The following VAMP8 variants were observed in gnomAD, a reference collection of about 807,000 sequenced individuals.
VAMP8 encodes vesicle associated membrane protein 8.
VAMP8 carries 9 observed loss-of-function variants against 11.4 expected under a neutral mutation model. The ratio of observed to expected loss-of-function variants is 0.79; its 90% CI spans 0.48 to 1.38. The LOEUF (loss-of-function observed/expected upper bound fraction) is 1.38. VAMP8 is among the 40% of genes most tolerant of loss of function. VAMP8 has a pLI of 0.00. For synonymous variants in VAMP8, 42 were observed against 44.7 expected (o/e 0.94, Z 0.24); for missense variants, 108 against 127.8 (o/e 0.85, Z 0.75).
intron 1 of VAMP8, 51 bp downstream of exon 1, chr2:85,577,700 G>C (rs1016925052): frequency 1.2e-5 from 19 of 1,551,552 alleles, no homozygotes; most frequent in Non-Finnish European, 1.6e-5. Flanking sequence ...GAGCCAGAGG[G>C]GGCTTGGGAC....
chr2:85,577,792 G>T, intron 1 of VAMP8, 143 bp downstream of exon 1: 2 of 1,224,030 alleles, frequency 1.6e-6, no homozygotes, highest in South Asian at 2.6e-5. Flanking sequence ...TCTCTTCTTT[G>T]ACAACTTGGC....
rs1231071417 is a variant in VAMP8, at chr2:85,581,942, T to TA, written c.*227dup. ...ACTGTGGCTGCATTTCTTGGGTCCT[T>TA]AGAGTGGGCTGGAGAGACCTAGAGG... On this transcript the variant is annotated 3_prime_UTR_variant, in exon 3 of 3. Transcript: ENST00000263864. The TA allele has an allele frequency of 1.7e-6, 1 of 588,864 alleles. No homozygotes were observed. Among genetic ancestry groups the TA allele is most frequent in the Middle Eastern group, 4.7e-4 (1 of 2,122 alleles). 36.5% of individuals were successfully genotyped at this position (588,864 alleles called of 1,614,324 possible). A position where few individuals can be genotyped will look rare whatever the true frequency, so the allele number is the denominator to read the frequency against.
At position 85,579,150 on chromosome 2, in the gene VAMP8, G is replaced by A. The variant is rs1306064702; in HGVS notation, c.145G>A (p.Glu49Lys). Residue 49 changes from glutamate (E) to lysine (K), a missense_variant, in exon 2 of 3, where the codon GAG becomes AAG. Glu to Lys is a moderately conservative substitution (Grantham distance 56). Coordinates refer to ENST00000263864, the MANE Select transcript of VAMP8 (RefSeq NM_003761.5). ...CTTGGAACATCTCCGCAACAAGACA[G>A]AGGATCTGGAAGCCACAGTGAGACA... ...ENLEHLRNKT[E>K]DLEATSEHFK... The A allele has an allele frequency of 6.2e-7, 1 of 1,600,210 alleles. No individual in the cohort carries two copies. The highest frequency in any genetic ancestry group is 8.5e-7 in the Non-Finnish European group (1 of 1,170,802).
chr2:85,578,254 C>T (rs187369116), intron 1 of VAMP8, among the ~76,000 whole-genome samples: 23 of 152,274 alleles, frequency 1.5e-4, no homozygotes, highest in African/African-American at 5.5e-4. Context: ...CTATTTTTCT[C>T]TCCTTGTTCA....
At chr2:85,578,027 C>T (rs951863574) in intron 1 of VAMP8, among the ~76,000 whole-genome samples, 8 of 152,198 alleles carry the variant, frequency 5.3e-5, no homozygotes, top group African/African-American at 7.2e-5. Flanking sequence ...TCCAGCCCAG[C>T]GGCAGAAGCT....
rs185098390 is a variant in VAMP8, at chr2:85,579,113, C to T, written c.108C>T (p.Ala36=). 2 of 1,608,418 alleles carry T rather than the reference C, an allele frequency of 1.2e-6. No individual in the cohort carries two copies. The highest frequency in any genetic ancestry group is 2.7e-5 in the African/African-American group (2 of 74,890). The change falls in exon 2 of 3, where the codon GCC becomes GCT. Residue 36 remains alanine, a synonymous_variant. Transcript: ENST00000263864. Reference sequence around the variant, plus strand: ...CCCAGAATGTGGAGCGGATCCTGGCCCGGGGGGAAAACTTGGAACATCTCC... The same window carrying T: ...CCCAGAATGTGGAGCGGATCCTGGCTCGGGGGGAAAACTTGGAACATCTCC... The part of the protein sequence containing the change: ...IMTQNVERIL[A]RGENLEHLRN...
At chr2:85,579,491 A>G (rs1352095641) in intron 2 of VAMP8, among the ~76,000 whole-genome samples, 3 of 152,190 alleles carry the variant, frequency 2.0e-5, no homozygotes, top group Non-Finnish European at 4.4e-5. Context: ...AAGCCTGCCC[A>G]TGACAATCAT....
At chr2:85,581,487 G>A in intron 2 of VAMP8, 89 bp from the exon 3 acceptor site, 2 of 1,380,914 alleles carry the variant, frequency 1.4e-6, no homozygotes, top group Admixed American at 2.3e-5. Context: ...AAAAAAAAAA[G>A]TATGGCCTGT....
chr2:85,578,495 T>C (rs1184888471), intron 1 of VAMP8, among the ~76,000 whole-genome samples: 1 of 152,190 alleles, frequency 6.6e-6, no homozygotes, highest in African/African-American at 2.4e-5. Context: ...AGCAATGGCA[T>C]TGCGGCCAGG....
At chr2:85,579,632 G>C (rs2104030058) in intron 2 of VAMP8, 3 of 1,455,558 alleles carry the variant, frequency 2.1e-6, no homozygotes, top group East Asian at 2.5e-5. Context: ...GCTTTAAAAA[G>C]AAGGGGGAAA....
At chr2:85,579,958 A>AG in intron 2 of VAMP8, 2 of 1,189,622 alleles carry the variant, frequency 1.7e-6, no homozygotes, top group South Asian at 3.5e-5. Context: ...GGCCCCGGGA[A>AG]TTTTTTTTTT....
chr2:85,579,195 G>C, intron 2 of VAMP8, 28 bp downstream of exon 2: 1 of 1,544,664 alleles, frequency 6.5e-7, no homozygotes, highest in Non-Finnish European at 8.8e-7. Flanking sequence ...CTGGGGGCTG[G>C]AGGAAAACAG....
intron 2 of VAMP8, among the ~76,000 whole-genome samples, chr2:85,580,427 C>G (rs1672357825): frequency 6.6e-6 from 1 of 152,052 alleles, no homozygotes; most frequent in Non-Finnish European, 1.5e-5. Flanking sequence ...CACCTGGAGC[C>G]TGCACCCCTC....
Position 85,581,870 on chromosome 2 carries a change from C to A in VAMP8, c.*154C>A. On this transcript the variant is annotated 3_prime_UTR_variant, in exon 3 of 3. Coordinates refer to ENST00000263864, the MANE Select transcript of VAMP8 (RefSeq NM_003761.5). The stretch of plus-strand genomic sequence containing the variant: ...AGGCCCTGCTGCCATGTTGTATGCC[C>A]CAGAAGGTACCTTGGTCCCCCGGAA... The A allele has an allele frequency of 1.0e-6, 1 of 983,292 alleles. No individual in the cohort carries two copies. The highest frequency in any genetic ancestry group is 1.5e-6 in the Non-Finnish European group (1 of 663,494). 60.9% of individuals were successfully genotyped at this position (983,292 alleles called of 1,614,324 possible). A position where few individuals can be genotyped will look rare whatever the true frequency, so the allele number is the denominator to read the frequency against.
intron 1 of VAMP8, among the ~76,000 whole-genome samples, chr2:85,578,398 C>T (rs951957704): frequency 6.6e-5 from 10 of 152,158 alleles, no homozygotes; most frequent in Non-Finnish European, 7.3e-5. Context: ...CTGCACGTGT[C>T]GCCCAGTGGT....
At chr2:85,579,849 G>A (rs912448199) in intron 2 of VAMP8, 53 of 1,550,518 alleles carry the variant, frequency 3.4e-5, no homozygotes, top group Non-Finnish European at 4.4e-5. Context: ...GGCTTTCTGA[G>A]TCCTGTGTGA....
chr2:85,579,655 G>T lies in VAMP8; in HGVS notation c.162+488G>T. On this transcript the variant is annotated intron_variant, in intron 2 of 2. Transcript: ENST00000263864. ...AAGAAGGGGGAAAGAGCAGTGAAAT[G>T]CTTTGATCCCAGGGTCCCCTGCTAG... The T allele has an allele frequency of 2.7e-6, 4 of 1,497,440 alleles. No individual in the cohort carries two copies. The East Asian group carries it at 9.9e-5, about 37-fold the overall frequency. The allele number at this position is 1,497,440 out of a possible 1,614,324, so 92.8% of individuals were successfully genotyped here.
chr2:85,581,870 C>T lies in VAMP8; in HGVS notation c.*154C>T. The stretch of plus-strand genomic sequence containing the variant: ...AGGCCCTGCTGCCATGTTGTATGCC[C>T]CAGAAGGTACCTTGGTCCCCCGGAA... On this transcript the variant is annotated 3_prime_UTR_variant, in exon 3 of 3. Transcript: ENST00000263864. 1 of 983,292 alleles carries T rather than the reference C, an allele frequency of 1.0e-6. No homozygotes were observed. Among genetic ancestry groups the T allele is most frequent in the South Asian group, 1.6e-5 (1 of 63,036 alleles). The allele number at this position is 983,292 out of a possible 1,614,324, so 60.9% of individuals were successfully genotyped here.
intron 2 of VAMP8, among the ~76,000 whole-genome samples, chr2:85,581,173 A>G (rs1279515398): frequency 2.6e-5 from 4 of 151,310 alleles, no homozygotes; most frequent in Admixed American, 2.6e-4. Flanking sequence ...ACAGCCAGAC[A>G]CTGTCTCAAA....
Sources: gnomAD v4.1 joint callset for allele counts (sites outside exome capture counted in the v4.1 genomes callset) on GRCh38, gnomAD v4.1.1 for gene constraint, MANE v1.5 for transcripts, NCBI Gene and HGNC (gene_info 2026-07-23, HGNC 2026-07-21) for gene names.